DLST: variants seen among roughly 807,000 people sequenced by gnomAD.
The protein encoded by DLST is dihydrolipoyllysine-residue succinyltransferase component of 2-oxoglutarate dehydrogenase complex, mitochondrial.
Under a neutral mutation model 53.1 loss-of-function variants are expected in DLST, and 17 were observed. The ratio of observed to expected loss-of-function variants is 0.32; its 90% CI spans 0.22 to 0.48. The LOEUF (loss-of-function observed/expected upper bound fraction) is 0.48, where lower values mean the gene tolerates loss of function less well. DLST is among the 20% of genes least tolerant of loss of function. The probability of loss-of-function intolerance (pLI) is 0.99; values close to 1 mark genes in which losing one functional copy is unlikely to be tolerated. For missense variants in DLST, 512 were observed against 583.9 expected, an observed-to-expected ratio of 0.88 and a Z score of 1.27; for synonymous variants, 206 against 204.8, an observed-to-expected ratio of 1.01 and a Z score of -0.05.
At chr14:74,889,628 G>C (rs1566790799) in intron 5 of DLST, 1 of 537,154 alleles carries the variant, frequency 1.9e-6, no homozygotes, top group Non-Finnish European at 3.3e-6. Flanking sequence ...ACCTCAGCCT[G>C]CCACAAAGTG....
At chr14:74,897,696 G>A (rs1366957448) in intron 10 of DLST, among the ~76,000 whole-genome samples, 2 of 152,198 alleles carry the variant, frequency 1.3e-5, no homozygotes, top group African/African-American at 4.8e-5. Flanking sequence ...ACCCTCACAT[G>A]TAGTAAGGTG....
intron 8 of DLST, 140 bp from the exon 9 acceptor site, chr14:74,893,208 C>A: frequency 1.9e-6 from 2 of 1,069,394 alleles, no homozygotes; most frequent in Non-Finnish European, 2.7e-6. Flanking sequence ...ACAGATTGTT[C>A]ATCTGTGAAG....
intron 11 of DLST, among the ~76,000 whole-genome samples, chr14:74,899,706 T>C (rs1459357114): frequency 6.6e-6 from 1 of 152,208 alleles, no homozygotes; most frequent in Non-Finnish European, 1.5e-5. Flanking sequence ...TGGATGCTCC[T>C]ATGCCCAGGC....
intron 10 of DLST, among the ~76,000 whole-genome samples, chr14:74,897,640 C>T (rs1320524107): frequency 6.6e-6 from 1 of 152,234 alleles, no homozygotes; most frequent in Non-Finnish European, 1.5e-5. Context: ...AATCTTAGGG[C>T]AAGAACTATG....
At chr14:74,894,522 T>C in intron 10 of DLST, 113 bp downstream of exon 10, 1 of 1,139,856 alleles carries the variant, frequency 8.8e-7, no homozygotes, top group African/African-American at 1.6e-5. Context: ...GGAAGAGGTA[T>C]TTGTTTATTG....
At chr14:74,894,788 C>G (rs1374281543) in intron 10 of DLST, among the ~76,000 whole-genome samples, 1 of 152,040 alleles carries the variant, frequency 6.6e-6, no homozygotes, top group African/African-American at 2.4e-5. Context: ...ACCTCGTGAT[C>G]TGCCCTTCTC....
chr14:74,887,117 A>G (rs1883730888), intron 3 of DLST, among the ~76,000 whole-genome samples: 1 of 152,176 alleles, frequency 6.6e-6, no homozygotes, highest in East Asian at 1.9e-4. Context: ...TCTCAGATTT[A>G]ATATCTGATA....
chr14:74,896,938 C>T (rs17093914), intron 10 of DLST, among the ~76,000 whole-genome samples: 47,863 of 152,064 alleles, frequency 0.31, 7,701 homozygotes, highest in African/African-American at 0.33. Context: ...TGGTTTAGAT[C>T]GAGTGCCCTT....
intron 2 of DLST, among the ~76,000 whole-genome samples, chr14:74,882,836 GGATACAGGAGTGGATACAGAAGT>G (rs1344484183): frequency 6.6e-6 from 1 of 152,230 alleles, no homozygotes; most frequent in East Asian, 1.9e-4. Flanking sequence ...TAGACGCTAG[GGATACAGGAGTGGATACAGAAGT>G]GTACAGTTCT....
chr14:74,885,806 T>G (rs961999583), intron 3 of DLST, 172 bp downstream of exon 3: 1 of 606,032 alleles, frequency 1.7e-6, no homozygotes, highest in African/African-American at 1.9e-5. Flanking sequence ...GTGATGTTCC[T>G]TGAGCATCAG....
chr14:74,891,935 T>C, intron 7 of DLST: 1 of 813,252 alleles, frequency 1.2e-6, no homozygotes, highest in Non-Finnish European at 1.5e-6. Context: ...CAGAAGTTTG[T>C]CTTAGCACTA....
chr14:74,889,406 G>A, intron 5 of DLST, 57 bp downstream of exon 5: 2 of 1,382,592 alleles, frequency 1.4e-6, no homozygotes, highest in Non-Finnish European at 1.9e-6. Context: ...GTCTTGCTCT[G>A]TTCCCAGCCT....
intron 14 of DLST, among the ~76,000 whole-genome samples, chr14:74,901,455 A>C (rs1884243836): frequency 6.6e-6 from 1 of 152,206 alleles, no homozygotes; most frequent in Non-Finnish European, 1.5e-5. Context: ...CTTAAAGAAG[A>C]AGTGCAGATG....
chr14:74,892,748 G>T, intron 7 of DLST, 86 bp from the exon 8 acceptor site: 1 of 1,358,840 alleles, frequency 7.4e-7, no homozygotes, highest in Non-Finnish European at 1.0e-6. Context: ...TTACTTGATT[G>T]GAGCTAGAGT....
chr14:74,891,561 A>G, intron 7 of DLST: 3 of 993,908 alleles, frequency 3.0e-6, no homozygotes, highest in Non-Finnish European at 3.6e-6. Flanking sequence ...GGAAATGCTC[A>G]TTGTCTTTTA....
intron 3 of DLST, 32 bp downstream of exon 3, chr14:74,885,666 C>T: frequency 1.3e-6 from 2 of 1,570,264 alleles, no homozygotes; most frequent in Non-Finnish European, 1.7e-6. Flanking sequence ...AGATATGTGG[C>T]CACGGGTTAT....
At position 74,899,704 on chromosome 14, in the gene DLST, C is replaced by T. The variant is rs566070079; in HGVS notation, c.902-219C>T. ...TAGGGCTGCCAAAGAAATGGATGCT[C>T]CTATGCCCAGGCTCAGTCAGGGACT... On this transcript the variant is annotated intron_variant, in intron 11 of 14. Coordinates refer to ENST00000334220, the MANE Select transcript of DLST (RefSeq NM_001933.5). Among the ~76,000 whole-genome samples the T allele has an allele frequency of 2.6e-5, 4 of 152,276 alleles. No individual in the cohort carries two copies. In the South Asian group the frequency reaches 6.2e-4, roughly 24 times the overall value.
chr14:74,888,194 G>C (rs564763763), intron 3 of DLST, among the ~76,000 whole-genome samples: 39 of 151,700 alleles, frequency 2.6e-4, no homozygotes, highest in Non-Finnish European at 5.1e-4. Flanking sequence ...AATCCAGAAT[G>C]TGTTGATGTG....
chr14:74,900,062 C>T (rs1203157949), intron 12 of DLST, 66 bp downstream of exon 12: 2 of 1,311,744 alleles, frequency 1.5e-6, no homozygotes, highest in Admixed American at 3.9e-5. Flanking sequence ...TGAAGGAGAT[C>T]ACACAAGAGA....
Sources: gnomAD v4.1 joint callset for allele counts (sites outside exome capture counted in the v4.1 genomes callset) on GRCh38, gnomAD v4.1.1 for gene constraint, MANE v1.5 for transcripts, NCBI Gene and HGNC (gene_info 2026-07-23, HGNC 2026-07-21) for gene names.